PRDM10: variants seen among roughly 807,000 people sequenced by gnomAD.
PRDM10 encodes the protein PR domain zinc finger protein 10.
Under a neutral mutation model 133.1 loss-of-function variants are expected in PRDM10, and 65 were observed. The observed-to-expected ratio is 0.49, with a 90% CI of 0.40 to 0.60. The LOEUF (loss-of-function observed/expected upper bound fraction) is 0.60. Ranked by LOEUF, PRDM10 falls within the 20% of genes least tolerant of loss-of-function variation. The pLI, the probability that PRDM10 is intolerant of heterozygous loss-of-function variation, is 0.00. For missense variants in PRDM10, 1,137 were observed against 1,507.1 expected (o/e 0.75, Z 4.07); for synonymous variants, 582 against 580.4 (o/e 1.00, Z -0.04).
intron 8 of PRDM10, among the ~76,000 whole-genome samples, chr11:129,936,569 C>T (rs1046549100): frequency 6.6e-5 from 10 of 152,094 alleles, no homozygotes; most frequent in Admixed American, 5.2e-4. Context: ...AGGAGAATGG[C>T]GTGAGCCCGG....
intron 1 of PRDM10, among the ~76,000 whole-genome samples, chr11:129,995,917 G>A (rs1939038068): frequency 6.6e-6 from 1 of 151,932 alleles, no homozygotes; most frequent in South Asian, 2.1e-4. Flanking sequence ...CTGCACTCCA[G>A]CCTGGGCAAC....
At chr11:129,931,362 G>A in intron 10 of PRDM10, 104 bp from the exon 11 acceptor site, 1 of 1,414,216 alleles carries the variant, frequency 7.1e-7, no homozygotes, top group Admixed American at 2.4e-5. Context: ...ATAATACTCA[G>A]AAAAAATATT....
intron 1 of PRDM10, among the ~76,000 whole-genome samples, chr11:130,000,889 T>C (rs1939323846): frequency 6.6e-6 from 1 of 152,170 alleles, no homozygotes; most frequent in Non-Finnish European, 1.5e-5. Flanking sequence ...GTAGGATTGC[T>C]TGAGCTCAGC....
At chr11:129,957,691 A>G in intron 3 of PRDM10, 55 bp downstream of exon 3, 1 of 1,558,018 alleles carries the variant, frequency 6.4e-7, no homozygotes, top group Non-Finnish European at 8.7e-7. Context: ...AGTAAACACA[A>G]GTAATTGGTT....
intron 9 of PRDM10, among the ~76,000 whole-genome samples, chr11:129,932,764 C>CTT: frequency 6.8e-6 from 1 of 148,130 alleles, no homozygotes; most frequent in Middle Eastern, 3.5e-3. Context: ...CTTTAATGGA[C>CTT]TTTTTTTTTT....
chr11:129,980,237 T>C (rs1482707952), intron 1 of PRDM10, among the ~76,000 whole-genome samples: 3 of 152,142 alleles, frequency 2.0e-5, no homozygotes, highest in African/African-American at 7.2e-5. Flanking sequence ...ACACAAAGAC[T>C]TAGACACAAC....
At chr11:129,933,261 T>C (rs182662328) in intron 9 of PRDM10, among the ~76,000 whole-genome samples, 2 of 152,308 alleles carry the variant, frequency 1.3e-5, no homozygotes, top group East Asian at 3.9e-4. Flanking sequence ...TGTTGGAAAA[T>C]TCTGAACCTA....
In PRDM10 at chr11:129,984,105, A is replaced by G. The variant is rs116342850; in HGVS notation, c.-119+18617T>C. On this transcript the variant is annotated intron_variant, in intron 1 of 20. Coordinates refer to ENST00000360871, the MANE Select transcript of PRDM10 (RefSeq NM_199437.2). ...CCTAGGCTTCCCCTCCACCATCCTG[A>G]CTCCAGCTGATGCCTCACGCTTCCC... Among the ~76,000 whole-genome samples the G allele has an allele frequency of 8.5e-3, 1,289 of 151,816 alleles. 15 individuals are homozygous for G. The highest frequency in any genetic ancestry group is 0.029 in the African/African-American group (1,207 of 41,370).
chr11:129,949,421 A>G (rs2135892562), intron 4 of PRDM10, among the ~76,000 whole-genome samples: 1 of 152,356 alleles, frequency 6.6e-6, no homozygotes, highest in East Asian at 1.9e-4. Context: ...AAGTTCTTTA[A>G]GGACCATGAT....
intron 4 of PRDM10, among the ~76,000 whole-genome samples, chr11:129,954,476 G>A (rs1280432684): frequency 6.6e-6 from 1 of 151,872 alleles, no homozygotes; most frequent in African/African-American, 2.4e-5. Context: ...TGTTGGCCAG[G>A]CTGGTCTCGA....
chr11:129,975,823 C>G (rs1166137892), intron 1 of PRDM10, among the ~76,000 whole-genome samples: 1 of 152,224 alleles, frequency 6.6e-6, no homozygotes, highest in South Asian at 2.1e-4. Context: ...GCACCAAGTG[C>G]CTTCCAAGGT....
intron 7 of PRDM10, among the ~76,000 whole-genome samples, chr11:129,940,849 G>A (rs992797412): frequency 6.6e-6 from 1 of 152,024 alleles, no homozygotes; most frequent in African/African-American, 2.4e-5. Flanking sequence ...CCCCCTTTCT[G>A]TTGTTTCCTT....
chr11:129,999,972 A>G (rs562104800), intron 1 of PRDM10, among the ~76,000 whole-genome samples: 22 of 152,274 alleles, frequency 1.4e-4, no homozygotes, highest in African/African-American at 5.1e-4. Flanking sequence ...CCAACTTGAA[A>G]TACACCAAAG....
chr11:129,912,085 CT>C lies in PRDM10; in HGVS notation c.2981del (p.Gln994ArgfsTer7). 1 of 1,604,650 alleles carries C rather than the reference CT, an allele frequency of 6.2e-7. No individual in the cohort carries two copies. The highest frequency in any genetic ancestry group is 2.2e-5 in the East Asian group (1 of 44,502). On this transcript the variant is annotated frameshift_variant and splice_region_variant, in exon 18 of 21. Transcript: ENST00000360871. LOFTEE classifies it high-confidence loss of function. ...CCAAATAGTCTGTGGAGCAGGGTAC[CT>C]GGGCGGAGGACGGGGCCGAGGCGGT... ...EPTASAPSSAQVSGQPLSPSA... is the reference protein window; with the variant it reads ...EPTASAPSSAXVSGQPLSPSA...
intron 11 of PRDM10, among the ~76,000 whole-genome samples, chr11:129,927,176 CAAAAAAAAAAAAAAAAAAAAAAAAAAAA>C (rs57015735): frequency 1.3e-5 from 1 of 79,370 alleles, no homozygotes; most frequent in African/African-American, 4.3e-5. Context: ...GACTCTGTCT[CAAAAAAAAAAAAAAAAAAAAAAAAAAAA>C]AAAAAAAAAA....
Position 129,923,232 on chromosome 11 carries a change from T to G in PRDM10, c.2034+16A>C, listed in dbSNP as rs182749107. ...TGGCCACGAGAACCACCTTGGGCTG[T>G]GCCTTGGTGTCATACCTTAAATTGC... On this transcript the variant is annotated intron_variant, in intron 13 of 20. Transcript: ENST00000360871. This position sits in a 1 kb window ranked among gnomAD's most constrained non-coding sequence, Gnocchi z 4.4. 9.6e-4 allele frequency: 1,500 copies of G among 1,563,758 alleles called. 1 individual carries two copies. The highest frequency in any genetic ancestry group is 1.3e-3 in the Non-Finnish European group (1,457 of 1,153,042).
chr11:129,947,729 C>G lies in PRDM10; in HGVS notation c.295-359G>C. ...CCCCACCCCTAAAACTTAATAAAACCTGGTCTCTTCCTGGCTCATTCAGCC... is the reference window on the plus strand; with the variant it reads ...CCCCACCCCTAAAACTTAATAAAACGTGGTCTCTTCCTGGCTCATTCAGCC... On this transcript the variant is annotated intron_variant, in intron 4 of 20. Coordinates refer to ENST00000360871, the MANE Select transcript of PRDM10 (RefSeq NM_199437.2). The surrounding 1 kb of genome is among the most constrained non-coding windows in gnomAD (Gnocchi z 4.6). The G allele has an allele frequency of 2.3e-6, 1 of 428,844 alleles. No homozygotes were observed. Among genetic ancestry groups the G allele is most frequent in the South Asian group, 2.4e-5 (1 of 41,798 alleles). 26.6% of individuals were successfully genotyped at this position (428,844 alleles called of 1,614,324 possible).
intron 1 of PRDM10, among the ~76,000 whole-genome samples, chr11:129,982,279 T>C (rs1938153987): frequency 6.6e-6 from 1 of 151,544 alleles, no homozygotes; most frequent in African/African-American, 2.4e-5. Flanking sequence ...TGTGTCTGTG[T>C]GTGTGCGCGC....
chr11:129,916,718 T>C (rs1418830789), intron 15 of PRDM10, among the ~76,000 whole-genome samples: 2 of 152,182 alleles, frequency 1.3e-5, no homozygotes, highest in Non-Finnish European at 2.9e-5. Context: ...AATGCAATAG[T>C]ACAAGTAGAG....
Sources: allele counts gnomAD v4.1 joint callset (sites outside exome capture counted in the v4.1 genomes callset), GRCh38; gene constraint gnomAD v4.1.1; non-coding constraint Gnocchi (gnomAD v3.1); transcripts MANE v1.5; gene names NCBI Gene and HGNC (gene_info 2026-07-23, HGNC 2026-07-21).